The following MTMR1 variants were observed in gnomAD, a reference collection of about 807,000 sequenced individuals.
The protein encoded by MTMR1 is myotubularin related protein 1.
A neutral mutation model predicts 51.6 loss-of-function variants in MTMR1; 17 were observed. The ratio of observed to expected loss-of-function variants is 0.33; its 90% CI spans 0.23 to 0.49. The LOEUF (loss-of-function observed/expected upper bound fraction) is 0.49. Ranked by LOEUF, MTMR1 falls within the 20% of genes least tolerant of loss-of-function variation. The pLI, the probability that MTMR1 is intolerant of heterozygous loss-of-function variation, is 0.99. For synonymous variants in MTMR1, 201 were observed against 205.6 expected (o/e 0.98, Z 0.19); for missense variants, 386 against 526.9 (o/e 0.73, Z 2.62).
chrX:150,744,259 T>G, intron 12 of MTMR1, 102 bp from the exon 13 acceptor site: 1 of 553,172 alleles, frequency 1.8e-6, no homozygotes, highest in Non-Finnish European at 2.9e-6. Context: ...AGGAATTCTA[T>G]TAGGCCTGAT....
chrX:150,729,197 G>A (rs1048043134), intron 6 of MTMR1, among the ~76,000 whole-genome samples: 2 of 100,738 alleles, frequency 2.0e-5, no homozygotes, highest in Non-Finnish European at 4.1e-5. Context: ...TCCTTTGGTG[G>A]TTCATACTTG....
At chrX:150,756,791 C>G (rs782105897) in intron 15 of MTMR1, among the ~76,000 whole-genome samples, 4 of 111,886 alleles carry the variant, frequency 3.6e-5, no homozygotes, top group Non-Finnish European at 5.6e-5. Flanking sequence ...GCTGGGATTA[C>G]AGGTGTACAG....
intron 2 of MTMR1, among the ~76,000 whole-genome samples, chrX:150,703,176 C>T (rs2040978303): frequency 8.9e-6 from 1 of 112,098 alleles, no homozygotes; most frequent in Admixed American, 9.4e-5. Context: ...TCATTGATCA[C>T]AGCTTCCATT....
At chrX:150,712,199 C>T (rs1464932472) in intron 2 of MTMR1, 143 bp from the exon 3 acceptor site, 20 of 469,720 alleles carry the variant, frequency 4.3e-5, no homozygotes, top group African/African-American at 3.9e-4. Context: ...ACTTAGAGGG[C>T]AAATGTGTTA....
chrX:150,727,422 G>C (rs1557416814), intron 5 of MTMR1, 113 bp downstream of exon 5: 1 of 594,831 alleles, frequency 1.7e-6, no homozygotes, highest in Non-Finnish European at 2.6e-6. Context: ...CCACAGGTTG[G>C]ATTTTGAGAT....
intron 2 of MTMR1, among the ~76,000 whole-genome samples, chrX:150,703,182 C>T (rs16995744): frequency 0.046 from 5,104 of 111,819 alleles, 172 homozygotes; most frequent in African/African-American, 0.11. Context: ...ATCACAGCTT[C>T]CATTGTTTGG....
chrX:150,696,805 G>C (rs782278052), intron 1 of MTMR1, among the ~76,000 whole-genome samples: 24 of 111,495 alleles, frequency 2.2e-4, no homozygotes, highest in African/African-American at 7.2e-4. Flanking sequence ...GCCTCCAGCA[G>C]CTCTGGATAC....
intron 6 of MTMR1, among the ~76,000 whole-genome samples, chrX:150,728,124 A>G (rs1248047534): frequency 8.9e-6 from 1 of 111,966 alleles, no homozygotes; most frequent in Non-Finnish European, 1.9e-5. Context: ...ACATTCTCCC[A>G]TATACTTTAA....
chrX:150,757,313 C>G (rs1557417797), intron 15 of MTMR1, among the ~76,000 whole-genome samples: 1 of 112,746 alleles, frequency 8.9e-6, no homozygotes, highest in Non-Finnish European at 1.9e-5. Context: ...CAGGCCGCTG[C>G]TTGGCCACTC....
chrX:150,700,268 T>C (rs917778071), intron 2 of MTMR1, among the ~76,000 whole-genome samples: 7 of 112,036 alleles, frequency 6.2e-5, no homozygotes, highest in Non-Finnish European at 1.3e-4. Context: ...GTACTCCTTG[T>C]TTAGGAGCTT....
upstream of MTMR1, chrX:150,693,350 C>T (rs1166758756): frequency 1.7e-6 from 1 of 587,724 alleles, no homozygotes; most frequent in Non-Finnish European, 2.1e-6. Context: ...TCCCGCCCCC[C>T]GACCCCCGCG....
intron 14 of MTMR1, among the ~76,000 whole-genome samples, chrX:150,754,894 G>T (rs1297047836): frequency 9.1e-6 from 1 of 110,040 alleles, no homozygotes; most frequent in African/African-American, 3.3e-5. Context: ...GCATGGTGGC[G>T]TGCGCCTGTA....
intron 4 of MTMR1, among the ~76,000 whole-genome samples, chrX:150,721,294 G>A (rs1557416572): frequency 8.9e-6 from 1 of 111,916 alleles, no homozygotes; most frequent in Non-Finnish European, 1.9e-5. Flanking sequence ...TGGTATCAGA[G>A]TAAAGCTGGC....
chrX:150,748,811 C>A (rs1264367568), intron 13 of MTMR1, among the ~76,000 whole-genome samples: 4 of 110,413 alleles, frequency 3.6e-5, no homozygotes, highest in African/African-American at 1.3e-4. Context: ...GCCTGGGCAA[C>A]AAAGTGGGAC....
At chrX:150,741,569 T>A (rs2042424572) in intron 12 of MTMR1, among the ~76,000 whole-genome samples, 1 of 112,416 alleles carries the variant, frequency 8.9e-6, no homozygotes, top group Non-Finnish European at 1.9e-5. Flanking sequence ...CCTTGTGATT[T>A]ATACATCTTT....
In MTMR1 at chrX:150,698,680, G is replaced by GCACACACACACA. The variant is rs1214335904; in HGVS notation, c.147-480_147-469dup. On this transcript the variant is annotated intron_variant, in intron 1 of 15. Transcript: ENST00000445323. ...GGCAAAACCCTGTCTACACGCGCGC[G>GCACACACACACA]CACACACACACACACACACACACAC... Among the ~76,000 whole-genome samples the GCACACACACACA allele has an allele frequency of 2.7e-3, 172 of 62,958 alleles. 1 individual carries two copies. Among genetic ancestry groups the GCACACACACACA allele is most frequent in the Non-Finnish European group, 4.0e-3 (136 of 34,265 alleles). 54.7% of individuals were successfully genotyped at this position (62,958 alleles called of 115,157 possible). A position where few individuals can be genotyped will look rare whatever the true frequency, so the allele number is the denominator to read the frequency against.
rs1000934428 is a variant in MTMR1, at chrX:150,752,602, A to G, written c.1680+1759A>G. On this transcript the variant is annotated intron_variant, in intron 14 of 15. Transcript: ENST00000445323. ...CAGAAGAATGAAGTTCATATATAGA[A>G]TTTTAACCATGGCTTTATCTTGTTT... Among the ~76,000 whole-genome samples, 9 of 105,051 alleles carry G rather than the reference A, an allele frequency of 8.6e-5. No homozygotes were observed. The East Asian group carries it at 2.7e-3, about 31-fold the overall frequency. The allele number at this position is 105,051 out of a possible 115,157, so 91.2% of individuals were successfully genotyped here. A position where few individuals can be genotyped will look rare whatever the true frequency, so the allele number is the denominator to read the frequency against.
chrX:150,737,534 A>G (rs1296356954), intron 12 of MTMR1, 86 bp downstream of exon 12: 1 of 757,774 alleles, frequency 1.3e-6, no homozygotes, highest in African/African-American at 2.1e-5. Context: ...GTAAGCGCAT[A>G]TATACACACA....
At chrX:150,761,450 G>T (rs1305361028) in intron 15 of MTMR1, among the ~76,000 whole-genome samples, 4 of 112,679 alleles carry the variant, frequency 3.5e-5, no homozygotes, top group Non-Finnish European at 7.5e-5. Flanking sequence ...CGGTGGAACA[G>T]CTCAGTCTTT....
Sources: gnomAD v4.1 joint callset for allele counts (sites outside exome capture counted in the v4.1 genomes callset) on GRCh38, gnomAD v4.1.1 for gene constraint, MANE v1.5 for transcripts, NCBI Gene and HGNC (gene_info 2026-07-23, HGNC 2026-07-21) for gene names.